Variants in CNKSR3 observed in about 807,000 individuals in gnomAD.
CNKSR3 encodes the protein connector enhancer of kinase suppressor of ras 3.
CNKSR3 carries 36 observed loss-of-function variants against 67.7 expected under a neutral mutation model. The ratio of observed to expected loss-of-function variants is 0.53; its 90% confidence interval spans 0.41 to 0.70. CNKSR3 has a LOEUF of 0.70. Among genes scored for constraint, CNKSR3 ranks in the 30% least tolerant of loss-of-function variants. The probability of loss-of-function intolerance (pLI) is 0.00; values close to 1 mark genes in which losing one functional copy is unlikely to be tolerated. For synonymous variants in CNKSR3, 281 were observed against 271.4 expected (o/e 1.04, Z -0.35); for missense variants, 630 against 695.2 (o/e 0.91, Z 1.05).
At chr6:154,451,538 CGCACAGAT>C (rs71803344) in intron 1 of CNKSR3, among the ~76,000 whole-genome samples, 98,508 of 147,088 alleles carry the variant, frequency 0.67, 32,099 homozygotes, top group East Asian at 0.8. Context: ...CACACGCACA[CGCACAGAT>C]GCACACACAC....
intron 1 of CNKSR3, among the ~76,000 whole-genome samples, chr6:154,459,324 C>T (rs1183126523): frequency 6.6e-6 from 1 of 152,086 alleles, no homozygotes; most frequent in Non-Finnish European, 1.5e-5. Flanking sequence ...ATCCAACCAC[C>T]AAGAACCCTG....
chr6:154,491,958 G>A (rs1298890488), intron 1 of CNKSR3, among the ~76,000 whole-genome samples: 1 of 152,118 alleles, frequency 6.6e-6, no homozygotes, highest in Non-Finnish European at 1.5e-5. Context: ...GGTGCTTCAC[G>A]AGCAGGTGGT....
intron 7 of CNKSR3, among the ~76,000 whole-genome samples, chr6:154,426,671 C>T (rs972585177): frequency 3.2e-4 from 49 of 152,080 alleles, no homozygotes; most frequent in African/African-American, 9.6e-4. Context: ...TTCTTTAAAA[C>T]GGGGGGTGGT....
At chr6:154,489,413 C>A (rs1460757141) in intron 1 of CNKSR3, among the ~76,000 whole-genome samples, 1 of 152,102 alleles carries the variant, frequency 6.6e-6, no homozygotes, top group African/African-American at 2.4e-5. Flanking sequence ...CGCCTGTAGT[C>A]CCAGCTACTT....
intron 2 of CNKSR3, among the ~76,000 whole-genome samples, chr6:154,446,959 C>G (rs1043920441): frequency 2.6e-5 from 4 of 152,052 alleles, no homozygotes; most frequent in Non-Finnish European, 5.9e-5. Flanking sequence ...CACCCGCTAC[C>G]ACACCCAGCT....
intron 1 of CNKSR3, among the ~76,000 whole-genome samples, chr6:154,498,364 A>G (rs943045497): frequency 5.3e-5 from 8 of 152,158 alleles, no homozygotes; most frequent in Non-Finnish European, 1.2e-4. Context: ...AAAAAAAAAA[A>G]AGCTATAGAC....
At chr6:154,486,443 C>T (rs9478554) in intron 1 of CNKSR3, among the ~76,000 whole-genome samples, 3,106 of 150,864 alleles carry the variant, frequency 0.021, 130 homozygotes, top group African/African-American at 0.072. Context: ...ATTACAGGCA[C>T]GGGCCACCAC....
intron 10 of CNKSR3, 80 bp from the exon 11 acceptor site, chr6:154,411,222 C>T: frequency 1.1e-6 from 1 of 936,494 alleles, no homozygotes; most frequent in South Asian, 1.6e-5. Flanking sequence ...GCTGCTACCT[C>T]CAGCACACAG....
In CNKSR3 at chr6:154,398,634, C is replaced by T. The variant is rs1056937862; in HGVS notation, c.*7720G>A. On this transcript the variant is annotated 3_prime_UTR_variant, in exon 13 of 13. Transcript: ENST00000607772. ...ATAGAAACGAGTTTGAGGAATACCA[C>T]TTCAAGATGGGAATGGGAGGCAAAA... 2 of 152,186 alleles carry T rather than the reference C, an allele frequency of 1.3e-5. No homozygotes were observed. The highest frequency in any genetic ancestry group is 1.3e-4 in the Admixed American group (2 of 15,272). The allele number at this position is 152,186 out of a possible 1,614,324, so 9.4% of individuals were successfully genotyped here. A position where few individuals can be genotyped will look rare whatever the true frequency, so the allele number is the denominator to read the frequency against.
At chr6:154,435,930 G>T (rs1006419254) in intron 4 of CNKSR3, among the ~76,000 whole-genome samples, 3 of 152,244 alleles carry the variant, frequency 2.0e-5, no homozygotes. Flanking sequence ...GTGATGGCAC[G>T]CGTCAAGTGT....
chr6:154,466,744 C>T (rs1166601890), intron 1 of CNKSR3, among the ~76,000 whole-genome samples: 4 of 151,686 alleles, frequency 2.6e-5, no homozygotes, highest in Admixed American at 6.6e-5. Flanking sequence ...CTCATCCTCC[C>T]GAGTAGCTGG....
At chr6:154,436,531 G>C (rs1297089264) in intron 4 of CNKSR3, among the ~76,000 whole-genome samples, 1 of 151,578 alleles carries the variant, frequency 6.6e-6, no homozygotes, top group Non-Finnish European at 1.5e-5. Flanking sequence ...TTTTTTTGTT[G>C]TTGTTAAGAT....
chr6:154,494,953 C>A (rs1056035667), intron 1 of CNKSR3, among the ~76,000 whole-genome samples: 1 of 152,230 alleles, frequency 6.6e-6, no homozygotes, highest in Non-Finnish European at 1.5e-5. Flanking sequence ...GATTTTAGAT[C>A]TCCATTGACA....
chr6:154,432,202 A>G (rs1244419107), intron 5 of CNKSR3, among the ~76,000 whole-genome samples: 2 of 152,198 alleles, frequency 1.3e-5, no homozygotes, highest in Non-Finnish European at 2.9e-5. Context: ...TAGCCTATAT[A>G]ATAGGTATAT....
intron 8 of CNKSR3, 69 bp downstream of exon 8, chr6:154,422,846 A>C: frequency 7.3e-7 from 1 of 1,374,276 alleles, no homozygotes; most frequent in Non-Finnish European, 1.0e-6. Context: ...TTAAAAATTT[A>C]AACAAAATGG....
chr6:154,470,763 A>C (rs954917369), intron 1 of CNKSR3, among the ~76,000 whole-genome samples: 4 of 152,128 alleles, frequency 2.6e-5, no homozygotes, highest in Non-Finnish European at 5.9e-5. Flanking sequence ...ATAGGTTTTT[A>C]GGTGAATGTA....
chr6:154,494,086 A>G (rs1786832334), intron 1 of CNKSR3, among the ~76,000 whole-genome samples: 1 of 152,178 alleles, frequency 6.6e-6, no homozygotes, highest in Admixed American at 6.5e-5. Context: ...CTGTTCTCAC[A>G]CTGCTATGAC....
At chr6:154,464,412 C>T (rs1465917313) in intron 1 of CNKSR3, among the ~76,000 whole-genome samples, 1 of 152,072 alleles carries the variant, frequency 6.6e-6, no homozygotes, top group Non-Finnish European at 1.5e-5. Flanking sequence ...TTAAGCAGCA[C>T]GTTAAAGAAA....
At position 154,476,935 on chromosome 6, in the gene CNKSR3, T is replaced by A. The variant is rs1477086330; in HGVS notation, c.53-26677A>T. Among the ~76,000 whole-genome samples the A allele has an allele frequency of 2.0e-5, 3 of 152,208 alleles. No individual in the cohort carries two copies. In the East Asian group the frequency reaches 5.8e-4, roughly 29 times the overall value. ...AAGGTTCGGTTATCAGGAAAATCCC[T>A]ATATATGAAACAGTTCATTCCCTCA... On this transcript the variant is annotated intron_variant, in intron 1 of 12. Coordinates refer to ENST00000607772, the MANE Select transcript of CNKSR3 (RefSeq NM_173515.4).
Sources: allele counts gnomAD v4.1 joint callset (sites outside exome capture counted in the v4.1 genomes callset), GRCh38; gene constraint gnomAD v4.1.1; transcripts MANE v1.5; gene names NCBI Gene and HGNC (gene_info 2026-07-23, HGNC 2026-07-21).